The following PRKN variants were observed in gnomAD, a reference collection of about 807,000 sequenced individuals.
PRKN encodes the protein E3 ubiquitin-protein ligase parkin.
PRKN carries 56 observed loss-of-function variants against 59.5 expected under a neutral mutation model. The observed-to-expected ratio is 0.94, with a 90% CI of 0.76 to 1.18. The LOEUF is 1.18. Among genes scored for constraint, PRKN ranks in the 50% most tolerant of loss-of-function variants. The probability of loss-of-function intolerance (pLI) is 0.00; values close to 1 mark genes in which losing one functional copy is unlikely to be tolerated. For missense variants in PRKN, 657 were observed against 596.4 expected (o/e 1.10, Z -1.06); for synonymous variants, 250 against 222.1 (o/e 1.13, Z -1.12).
intron 6 of PRKN, among the ~76,000 whole-genome samples, chr6:161,890,647 G>A (rs567561598): frequency 1.3e-5 from 2 of 152,248 alleles, no homozygotes; most frequent in South Asian, 2.1e-4. Context: ...TGTCTGTGCC[G>A]TGAACATAAC....
chr6:161,798,709 A>C (rs1331018927), intron 6 of PRKN, among the ~76,000 whole-genome samples: 1 of 152,194 alleles, frequency 6.6e-6, no homozygotes, highest in Non-Finnish European at 1.5e-5. Context: ...AGATCAGAAA[A>C]GATGTTTTGG....
In PRKN at chr6:161,823,733, G is replaced by A. The variant is rs560825725; in HGVS notation, c.735-37825C>T. ...CAAATATTTAGGTGCACACTCCCTT[G>A]GTGTGCAAACCCCGTGCACTGAGGA... On this transcript the variant is annotated intron_variant, in intron 6 of 11. Coordinates refer to ENST00000366898, the MANE Select transcript of PRKN (RefSeq NM_004562.3). Among the ~76,000 whole-genome samples the A allele has an allele frequency of 2.6e-5, 4 of 152,124 alleles. No individual in the cohort carries two copies. In the South Asian group the frequency reaches 6.2e-4, roughly 24 times the overall value.
At chr6:161,905,294 G>A (rs929652436) in intron 6 of PRKN, among the ~76,000 whole-genome samples, 4 of 152,194 alleles carry the variant, frequency 2.6e-5, no homozygotes, top group Non-Finnish European at 5.9e-5. Context: ...TGAAGGTACA[G>A]TCTCATTCTT....
At chr6:161,663,604 T>G (rs1405112834) in intron 7 of PRKN, among the ~76,000 whole-genome samples, 2 of 152,234 alleles carry the variant, frequency 1.3e-5, no homozygotes, top group Non-Finnish European at 2.9e-5. Context: ...CAAGAGTGCA[T>G]GTCAGGCAAG....
At chr6:162,272,002 T>C (rs928773608) in intron 2 of PRKN, among the ~76,000 whole-genome samples, 1 of 152,166 alleles carries the variant, frequency 6.6e-6, no homozygotes, top group African/African-American at 2.4e-5. Context: ...AGCCCCACAC[T>C]AATTAGCCAG....
At chr6:162,159,617 A>G (rs536322589) in intron 4 of PRKN, among the ~76,000 whole-genome samples, 1 of 152,236 alleles carries the variant, frequency 6.6e-6, no homozygotes, top group Non-Finnish European at 1.5e-5. Flanking sequence ...TCTAAATTTC[A>G]TAAGGGAATA....
At chr6:161,959,357 A>G (rs990267434) in intron 6 of PRKN, among the ~76,000 whole-genome samples, 1 of 152,028 alleles carries the variant, frequency 6.6e-6, no homozygotes, top group Non-Finnish European at 1.5e-5. Flanking sequence ...GTTCCGACGG[A>G]TAAGATAAAC....
At chr6:162,521,687 A>G (rs554718235) in intron 1 of PRKN, among the ~76,000 whole-genome samples, 1 of 152,200 alleles carries the variant, frequency 6.6e-6, no homozygotes, top group African/African-American at 2.4e-5. Context: ...TATAACGTAC[A>G]TATATATAAT....
chr6:161,858,347 G>C (rs1233635456), intron 6 of PRKN, among the ~76,000 whole-genome samples: 1 of 152,128 alleles, frequency 6.6e-6, no homozygotes, highest in African/African-American at 2.4e-5. Flanking sequence ...GGATTCCTCT[G>C]CATATTTAAC....
rs560584968 is a variant in PRKN at position 161,488,430 on chromosome 6, A to G, written c.1083+60424T>C. On this transcript the variant is annotated intron_variant, in intron 9 of 11. Coordinates refer to ENST00000366898, the MANE Select transcript of PRKN (RefSeq NM_004562.3). This position sits in a 1 kb window ranked among gnomAD's most constrained non-coding sequence, Gnocchi z 4.5. ...TATAAATTATAATGGAATTTAAGTA[A>G]TGTTCACAGAGGAGCAGAGAAGATA... 6.6e-6 allele frequency among the ~76,000 whole-genome samples: 1 copy of G among 152,342 alleles called. No individual in the cohort carries two copies. Among genetic ancestry groups the G allele is most frequent in the South Asian group, 2.1e-4 (1 of 4,820 alleles).
chr6:161,881,674 T>G (rs1056827450), intron 6 of PRKN, among the ~76,000 whole-genome samples: 23 of 152,160 alleles, frequency 1.5e-4, no homozygotes, highest in African/African-American at 5.6e-4. Context: ...TAAGGTTACA[T>G]TTCACAGACT....
At chr6:162,142,104 A>G (rs1029791132) in intron 4 of PRKN, among the ~76,000 whole-genome samples, 3 of 152,222 alleles carry the variant, frequency 2.0e-5, no homozygotes, top group Non-Finnish European at 2.9e-5. Flanking sequence ...CAGATACGAA[A>G]CTGCAATAAG....
chr6:162,586,156 T>C (rs115927712), intron 1 of PRKN, among the ~76,000 whole-genome samples: 54 of 152,256 alleles, frequency 3.5e-4, no homozygotes, highest in African/African-American at 1.3e-3. Context: ...CCTGACCCTA[T>C]GTGCTGGGTA....
In PRKN at chr6:162,727,601, T is replaced by G. The variant is rs1584139374; in HGVS notation, c.7+61A>C. 9.2e-6 allele frequency: 14 copies of G among 1,530,014 alleles called. No individual in the cohort carries two copies. In the East Asian group the frequency reaches 3.2e-4, roughly 34 times the overall value. 94.8% of individuals were successfully genotyped at this position (1,530,014 alleles called of 1,614,324 possible). A position where few individuals can be genotyped will look rare whatever the true frequency, so the allele number is the denominator to read the frequency against. ...GGTCCTGGTCGGCCGAGGCGGGGCG[T>G]GGCGCCATACCGGGGCGTGGGGCGG... On this transcript the variant is annotated intron_variant, in intron 1 of 11. Transcript: ENST00000366898.
At chr6:162,637,908 A>G (rs1056388872) in intron 1 of PRKN, among the ~76,000 whole-genome samples, 4 of 152,150 alleles carry the variant, frequency 2.6e-5, no homozygotes, top group Non-Finnish European at 5.9e-5. Flanking sequence ...ATTTTTCTGC[A>G]TAAAACTATG....
In PRKN at chr6:162,362,923, T is replaced by C. The variant is rs542776538; in HGVS notation, c.171+80387A>G. Among the ~76,000 whole-genome samples, 134 of 151,516 alleles carry C rather than the reference T, an allele frequency of 8.8e-4. 1 individual carries two copies. The highest frequency in any genetic ancestry group is 1.8e-3 in the Admixed American group (28 of 15,184). On this transcript the variant is annotated intron_variant, in intron 2 of 11. Coordinates refer to ENST00000366898, the MANE Select transcript of PRKN (RefSeq NM_004562.3). ...GCGGGTGGATCACGAGGTCAGGAGA[T>C]CGAGACCATCCTGACTAACACGGTG...
chr6:161,634,072 G>T (rs1289920330), intron 7 of PRKN, among the ~76,000 whole-genome samples: 1 of 149,810 alleles, frequency 6.7e-6, no homozygotes, highest in Non-Finnish European at 1.5e-5. Flanking sequence ...CAACTTTTTG[G>T]GACTCCTAAG....
At chr6:162,244,412 G>C (rs906965380) in intron 3 of PRKN, among the ~76,000 whole-genome samples, 3 of 152,024 alleles carry the variant, frequency 2.0e-5, no homozygotes, top group African/African-American at 7.2e-5. Flanking sequence ...GTCTAAGATA[G>C]TTTGGAAACC....
intron 1 of PRKN, among the ~76,000 whole-genome samples, chr6:162,456,981 A>T (rs75425211): frequency 7.2e-5 from 11 of 152,222 alleles, no homozygotes; most frequent in African/African-American, 2.4e-4. Context: ...TATGAAAAAC[A>T]TGACACTACA....
Sources: allele counts gnomAD v4.1 joint callset (sites outside exome capture counted in the v4.1 genomes callset), GRCh38; gene constraint gnomAD v4.1.1; non-coding constraint Gnocchi (gnomAD v3.1); transcripts MANE v1.5; gene names NCBI Gene and HGNC (gene_info 2026-07-23, HGNC 2026-07-21).